Variants in TRPV3 observed in about 807,000 individuals in gnomAD.
TRPV3 encodes VRL-3.
In TRPV3, 88 loss-of-function variants were observed where a neutral mutation model predicts 87.1. The ratio of observed to expected loss-of-function variants is 1.01; its 90% CI spans 0.85 to 1.21. The LOEUF (loss-of-function observed/expected upper bound fraction) is 1.21. TRPV3 is among the 50% of genes most tolerant of loss of function. TRPV3 has a pLI of 0.00. For synonymous variants in TRPV3, 438 were observed against 423.3 expected (o/e 1.03, Z -0.43); for missense variants, 1,054 against 1,030.1 (o/e 1.02, Z -0.32).
rs569128154 is a variant in TRPV3, at chr17:3,514,072, TTC to T, written c.2279-63_2279-62del. On this transcript the variant is annotated intron_variant, in intron 17 of 17. Transcript: ENST00000576742. ...TCACTCTGCATAGTGTGTTTCTTTT[TTC>T]TTTTTCTTTTTTTTCTTTTTTGAGA... 287 of 1,406,974 alleles carry T rather than the reference TTC, an allele frequency of 2.0e-4. 1 individual carries two copies. In the African/African-American group the frequency reaches 3.8e-3, roughly 19 times the overall value. 87.2% of individuals were successfully genotyped at this position (1,406,974 alleles called of 1,614,324 possible). A position where few individuals can be genotyped will look rare whatever the true frequency, so the allele number is the denominator to read the frequency against.
intron 6 of TRPV3, among the ~76,000 whole-genome samples, chr17:3,541,241 G>A (rs1278432751): frequency 6.6e-6 from 1 of 152,148 alleles, no homozygotes; most frequent in Admixed American, 6.5e-5. Context: ...GGTGGCAGGT[G>A]CCTGTAATCC....
chr17:3,554,981 T>C, intron 1 of TRPV3, 129 bp from the exon 2 acceptor site: 2 of 602,672 alleles, frequency 3.3e-6, no homozygotes, highest in Non-Finnish European at 5.8e-6. Flanking sequence ...CACTCCTCCC[T>C]TCCCAGTTCA....
chr17:3,542,620 T>C lies in TRPV3; in HGVS notation c.545A>G (p.Asn182Ser), dbSNP rs892276978. The change falls in exon 6 of 18, where the codon AAC (asparagine) becomes AGC (serine). Residue 182 changes from asparagine to serine, a missense_variant. Coordinates refer to ENST00000576742, the MANE Select transcript of TRPV3 (RefSeq NM_145068.4). ...LMKALLNINP[N>S]TKEIVRILLA... The stretch of plus-strand genomic sequence containing the variant: ...CAGGATCCGCACTATCTCCTTGGTG[T>C]TGGGGTTGATGTTTAACAAGGCCTT... The C allele has an allele frequency of 6.2e-7, 1 of 1,613,846 alleles. No individual in the cohort carries two copies. Among genetic ancestry groups the C allele is most frequent in the African/African-American group, 1.3e-5 (1 of 74,892 alleles).
intron 7 of TRPV3, among the ~76,000 whole-genome samples, chr17:3,535,243 C>T (rs1406778458): frequency 6.4e-5 from 7 of 109,390 alleles, no homozygotes; most frequent in Admixed American, 1.7e-4. Context: ...TCCCTCCCTC[C>T]CCCTCCTTAC....
rs1477322646 is a variant in TRPV3, at chr17:3,554,792, C to A, written c.59G>T (p.Ser20Ile). The change falls in exon 2 of 18, where the codon AGT (serine) becomes ATT (isoleucine). Residue 20 changes from serine (S) to isoleucine (I), a missense_variant. Physicochemically the swap from Ser to Ile is moderately radical, Grantham distance 142. Coordinates refer to ENST00000576742, the MANE Select transcript of TRPV3 (RefSeq NM_145068.4). ...CTCTGGCAGGATGGCAGGGTTCCCA[C>A]TGGGGGCAGCAACTCTCTTGCCCAT... ...PLMGKRVAAP[S>I]GNPAILPEKR... 1 of 1,612,960 alleles carries A rather than the reference C, an allele frequency of 6.2e-7. No individual in the cohort carries two copies. Among genetic ancestry groups the A allele is most frequent in the Non-Finnish European group, 8.5e-7 (1 of 1,179,628 alleles).
Position 3,528,946 on chromosome 17 carries a change from A to G in TRPV3, c.1292T>C (p.Met431Thr), listed in dbSNP as rs749806063. 1.2e-6 allele frequency: 2 copies of G among 1,614,200 alleles called. No individual in the cohort carries two copies. Among genetic ancestry groups the G allele is most frequent in the South Asian group, 1.1e-5 (1 of 91,088 alleles). ...GTGCTTGGCAAACTTCTTCCACTTCATATGCAGCAGCGTGTGCAGCGGCTC... is the reference window on the plus strand; with the variant it reads ...GTGCTTGGCAAACTTCTTCCACTTCGTATGCAGCAGCGTGTGCAGCGGCTC... Reference protein sequence around the residue: ...TLEPLHTLLHMKWKKFAKHMF... With the variant: ...TLEPLHTLLHTKWKKFAKHMF... The change falls in exon 10 of 18, where the codon ATG (methionine) becomes ACG (threonine). Residue 431 changes from methionine to threonine, a missense_variant. Met to Thr is a moderately conservative substitution (Grantham distance 81, BLOSUM62 -1). Coordinates refer to ENST00000576742, the MANE Select transcript of TRPV3 (RefSeq NM_145068.4). This position sits in a 1 kb window ranked among gnomAD's most constrained non-coding sequence, Gnocchi z 4.2.
chr17:3,531,560 C>A (rs990114927), intron 8 of TRPV3, among the ~76,000 whole-genome samples: 1 of 152,168 alleles, frequency 6.6e-6, no homozygotes, highest in African/African-American at 2.4e-5. Flanking sequence ...GGCACACTGT[C>A]CCCTAGAAAA....
In TRPV3 at chr17:3,543,622, C is replaced by CTG; in HGVS notation, c.316_317dup (p.Gln106HisfsTer15). On this transcript the variant is annotated frameshift_variant, in exon 5 of 18. Coordinates refer to ENST00000576742, the MANE Select transcript of TRPV3 (RefSeq NM_145068.4). LOFTEE classifies it high-confidence loss of function. The stretch of plus-strand genomic sequence containing the variant: ...TCCTCCTCTGCTCTTCCTTGGCCAG[C>CTG]TGTGCACTGAAGCCAGAAAATGTTT... The CTG allele has an allele frequency of 6.2e-7, 1 of 1,614,064 alleles. No homozygotes were observed. Among genetic ancestry groups the CTG allele is most frequent in the South Asian group, 1.1e-5 (1 of 91,082 alleles).
intron 14 of TRPV3, among the ~76,000 whole-genome samples, chr17:3,519,436 GGATGGATGGATGGATAGATGATTA>G (rs1401412690): frequency 1.9e-5 from 2 of 103,800 alleles, no homozygotes; most frequent in Admixed American, 1.9e-4. Context: ...ATGGATGGAT[GGATGGATGGATGGATAGATGATTA>G]GATGGATGGA....
intron 7 of TRPV3, 63 bp downstream of exon 7, chr17:3,535,510 C>T: frequency 6.9e-7 from 1 of 1,455,788 alleles, no homozygotes; most frequent in Non-Finnish European, 9.1e-7. Flanking sequence ...CCTTCCCTCC[C>T]TTCCTCTCCC....
chr17:3,527,667 A>G (rs2074311826), intron 11 of TRPV3: 1 of 318,256 alleles, frequency 3.1e-6, no homozygotes, highest in Non-Finnish European at 6.0e-6. Flanking sequence ...AAAGGATAGA[A>G]GGATGGTCGG....
intron 9 of TRPV3, among the ~76,000 whole-genome samples, chr17:3,529,826 A>G (rs552889879): frequency 7.2e-6 from 1 of 138,916 alleles, no homozygotes; most frequent in East Asian, 2.3e-4. Context: ...TCCAAGGTCA[A>G]TCAGGAAGAG....
At chr17:3,543,693 C>G in intron 4 of TRPV3, 65 bp from the exon 5 acceptor site, 2 of 1,593,860 alleles carry the variant, frequency 1.3e-6, no homozygotes, top group Non-Finnish European at 1.7e-6. Flanking sequence ...CTCCTTTTCC[C>G]CGCCAGAGCT....
chr17:3,514,764 C>T, intron 16 of TRPV3, 92 bp from the exon 17 acceptor site: 1 of 953,562 alleles, frequency 1.0e-6, no homozygotes, highest in Non-Finnish European at 1.7e-6. Flanking sequence ...GGTGTCTACA[C>T]AGCTCCCCTT....
intron 14 of TRPV3, among the ~76,000 whole-genome samples, chr17:3,520,623 C>T (rs532929676): frequency 1.1e-4 from 17 of 152,162 alleles, no homozygotes; most frequent in African/African-American, 3.9e-4. Flanking sequence ...ACCTTATGAT[C>T]GGGGTGATGA....
In TRPV3 at chr17:3,518,514, T is replaced by C. The variant is rs1030391201; in HGVS notation, c.2085+62A>G. The C allele has an allele frequency of 6.7e-7, 1 of 1,493,704 alleles. No homozygotes were observed. Among genetic ancestry groups the C allele is most frequent in the Admixed American group, 2.2e-5 (1 of 45,226 alleles). The allele number at this position is 1,493,704 out of a possible 1,614,324, so 92.5% of individuals were successfully genotyped here. A position where few individuals can be genotyped will look rare whatever the true frequency, so the allele number is the denominator to read the frequency against. On this transcript the variant is annotated intron_variant, in intron 15 of 17. Transcript: ENST00000576742. This position sits in a 1 kb window ranked among gnomAD's most constrained non-coding sequence, Gnocchi z 4.3. ...ACCCACTGGTGCTGACAGTAGTCAATGACCACGTGCTGAACTGAGTCCCGT... is the reference window on the plus strand; with the variant it reads ...ACCCACTGGTGCTGACAGTAGTCAACGACCACGTGCTGAACTGAGTCCCGT...
At chr17:3,545,989 CAAAAA>C (rs376341464) in intron 2 of TRPV3, among the ~76,000 whole-genome samples, 40,963 of 113,852 alleles carry the variant, frequency 0.36, 6,517 homozygotes, top group Middle Eastern at 0.5. Flanking sequence ...GACTCCGTCT[CAAAAA>C]AAAAAAAAAA....
At chr17:3,537,728 A>AC in intron 6 of TRPV3, among the ~76,000 whole-genome samples, 1 of 151,270 alleles carries the variant, frequency 6.6e-6, no homozygotes, top group South Asian at 2.1e-4. Context: ...ACATGGAGAA[A>AC]CCCCATCTCT....
At chr17:3,525,283 G>A (rs1214034352) in intron 12 of TRPV3, among the ~76,000 whole-genome samples, 2 of 152,214 alleles carry the variant, frequency 1.3e-5, no homozygotes, top group African/African-American at 2.4e-5. Flanking sequence ...GCCTCCCAAA[G>A]TGCTGGGATT....
Sources: allele counts gnomAD v4.1 joint callset (sites outside exome capture counted in the v4.1 genomes callset), GRCh38; gene constraint gnomAD v4.1.1; non-coding constraint Gnocchi (gnomAD v3.1); transcripts MANE v1.5; gene names NCBI Gene and HGNC (gene_info 2026-07-23, HGNC 2026-07-21).